PARN: variants seen among roughly 807,000 people sequenced by gnomAD.
PARN encodes poly(A)-specific ribonuclease.
Under a neutral mutation model 102.8 loss-of-function variants are expected in PARN, and 71 were observed. The observed-to-expected ratio is 0.69, with a 90% confidence interval of 0.57 to 0.84. The LOEUF is 0.84. Ranked by LOEUF, PARN falls within the 40% of genes least tolerant of loss-of-function variation. The pLI, the probability that PARN is intolerant of heterozygous loss-of-function variation, is 0.00. For missense variants in PARN, 782 were observed against 760.9 expected (o/e 1.03, Z -0.33); for synonymous variants, 261 against 252.9 (o/e 1.03, Z -0.30).
intron 21 of PARN, among the ~76,000 whole-genome samples, chr16:14,527,356 A>G (rs1966063542): frequency 6.6e-6 from 1 of 152,148 alleles, no homozygotes; most frequent in East Asian, 1.9e-4. Flanking sequence ...TATCTATAAA[A>G]CCAACCTCCT....
intron 21 of PARN, among the ~76,000 whole-genome samples, chr16:14,522,056 A>G (rs1965763276): frequency 6.6e-6 from 1 of 152,238 alleles, no homozygotes; most frequent in Admixed American, 6.5e-5. Context: ...TAAGTACACA[A>G]CGATGTTCAC....
intron 21 of PARN, among the ~76,000 whole-genome samples, chr16:14,496,132 C>T (rs534969759): frequency 1.3e-5 from 2 of 152,312 alleles, no homozygotes; most frequent in South Asian, 2.1e-4. Flanking sequence ...AAACAGGGGC[C>T]GAGAGAGGTT....
At chr16:14,585,667 C>G (rs910532439) in intron 14 of PARN, among the ~76,000 whole-genome samples, 4 of 152,172 alleles carry the variant, frequency 2.6e-5, no homozygotes, top group African/African-American at 9.7e-5. Context: ...TTGACTGACT[C>G]TTGAACACTC....
chr16:14,554,152 C>A lies in PARN; in HGVS notation c.1319-1G>T. On this transcript the variant is annotated splice_acceptor_variant, in intron 19 of 23. Transcript: ENST00000437198. LOFTEE classifies it high-confidence loss of function. ...AGAACATGATCACGTTTAGGCTGCA[C>A]TACAAGACAAATTTATGATGAAATA... is the stretch of plus-strand genomic sequence containing the variant. The A allele has an allele frequency of 6.2e-7, 1 of 1,603,224 alleles. No homozygotes were observed. Among genetic ancestry groups the A allele is most frequent in the Non-Finnish European group, 8.5e-7 (1 of 1,172,742 alleles).
At chr16:14,582,134 C>A (rs1461682451) in intron 17 of PARN, 47 bp downstream of exon 17, 1 of 1,162,788 alleles carries the variant, frequency 8.6e-7, no homozygotes, top group East Asian at 2.3e-5. Flanking sequence ...CAGGTAAGAT[C>A]CACCCTAGAT....
chr16:14,538,806 C>A (rs1297641415), intron 21 of PARN, among the ~76,000 whole-genome samples: 3 of 152,140 alleles, frequency 2.0e-5, no homozygotes, highest in Non-Finnish European at 2.9e-5. Context: ...TCTGTTTTTA[C>A]AGCCACTCCC....
At chr16:14,560,396 C>T (rs1967982996) in intron 18 of PARN, among the ~76,000 whole-genome samples, 1 of 152,198 alleles carries the variant, frequency 6.6e-6, no homozygotes, top group Non-Finnish European at 1.5e-5. Flanking sequence ...GGTATCTTGC[C>T]ACATTTCTGA....
chr16:14,628,286 A>G, intron 2 of PARN, 35 bp from the exon 3 acceptor site: 1 of 1,160,166 alleles, frequency 8.6e-7, no homozygotes, highest in Non-Finnish European at 1.3e-6. Context: ...TTAGCTTACT[A>G]ATAAATACTA....
At chr16:14,503,587 CT>C (rs1304876064) in intron 21 of PARN, among the ~76,000 whole-genome samples, 1 of 152,168 alleles carries the variant, frequency 6.6e-6, no homozygotes, top group Non-Finnish European at 1.5e-5. Flanking sequence ...GGTTCTGGCC[CT>C]CATTTGCCCT....
At chr16:14,554,194 G>T in intron 19 of PARN, 43 bp from the exon 20 acceptor site, 3 of 1,337,386 alleles carry the variant, frequency 2.2e-6, no homozygotes, top group South Asian at 1.2e-5. Context: ...GGTGAAAAGT[G>T]ATCAAGTAAA....
intron 21 of PARN, among the ~76,000 whole-genome samples, chr16:14,493,303 G>A (rs1344076894): frequency 6.6e-6 from 1 of 152,130 alleles, no homozygotes; most frequent in East Asian, 1.9e-4. Context: ...GTAGCCTCGA[G>A]TTTCTGGGCT....
rs1284500321 is a variant in PARN at position 14,608,936 on chromosome 16, GAACA to G, written c.620+118_620+121del. On this transcript the variant is annotated intron_variant, in intron 8 of 23. Transcript: ENST00000437198. The stretch of plus-strand genomic sequence containing the variant: ...GCTAAAGTTAGTGTTTAATTCTTGA[GAACA>G]TAGCAATAATAAAAAGACCCTTTAT... 6.3e-6 allele frequency: 4 copies of G among 636,562 alleles called. No individual in the cohort carries two copies. In the African/African-American group the frequency reaches 7.4e-5, roughly 12 times the overall value. 39.4% of individuals were successfully genotyped at this position (636,562 alleles called of 1,614,324 possible).
intron 21 of PARN, among the ~76,000 whole-genome samples, chr16:14,499,973 T>C (rs1032349464): frequency 6.6e-6 from 1 of 152,238 alleles, no homozygotes; most frequent in Non-Finnish European, 1.5e-5. Context: ...TTTCCTACAA[T>C]GTCAAAATAC....
chr16:14,618,349 G>A (rs1169654533), intron 5 of PARN, among the ~76,000 whole-genome samples: 2 of 152,040 alleles, frequency 1.3e-5, no homozygotes, highest in African/African-American at 4.8e-5. Context: ...TTAGCCAGGC[G>A]AGGCAGCATG....
Position 14,524,805 on chromosome 16 carries a change from G to A in PARN, c.1480+27216C>T, listed in dbSNP as rs551847332. Among the ~76,000 whole-genome samples, 4 of 152,276 alleles carry A rather than the reference G, an allele frequency of 2.6e-5. No homozygotes were observed. In the South Asian group the frequency reaches 8.3e-4, roughly 32 times the overall value. On this transcript the variant is annotated intron_variant, in intron 21 of 23. Coordinates refer to ENST00000437198, the MANE Select transcript of PARN (RefSeq NM_002582.4). ...GGATCCTGCTTCATGGTTTCTATGT[G>A]TCTTTCCTTGTTCAGATCCACTAAA... is the stretch of plus-strand genomic sequence containing the variant.
intron 21 of PARN, among the ~76,000 whole-genome samples, chr16:14,524,843 C>G (rs983019371): frequency 6.6e-6 from 1 of 152,146 alleles, no homozygotes; most frequent in African/African-American, 2.4e-5. Flanking sequence ...TTTCTATTAC[C>G]AGGCAACACA....
At chr16:14,523,926 A>G (rs1330081556) in intron 21 of PARN, among the ~76,000 whole-genome samples, 1 of 152,124 alleles carries the variant, frequency 6.6e-6, no homozygotes. Flanking sequence ...TGGGCTATAC[A>G]GTATAGCCTA....
chr16:14,565,907 G>A (rs1037214975), intron 18 of PARN, among the ~76,000 whole-genome samples: 1 of 152,196 alleles, frequency 6.6e-6, no homozygotes, highest in Non-Finnish European at 1.5e-5. Context: ...TGTGCATAGT[G>A]GAAGGTGTTC....
chr16:14,454,194 T>C (rs912602838), intron 22 of PARN, among the ~76,000 whole-genome samples: 1 of 152,098 alleles, frequency 6.6e-6, no homozygotes, highest in African/African-American at 2.4e-5. Context: ...AGTTTGAAAA[T>C]TTTTGGCCCG....
Sources: allele counts gnomAD v4.1 joint callset (sites outside exome capture counted in the v4.1 genomes callset), GRCh38; gene constraint gnomAD v4.1.1; transcripts MANE v1.5; gene names NCBI Gene and HGNC (gene_info 2026-07-23, HGNC 2026-07-21).